Variants in GNAT3 observed in about 807,000 individuals in gnomAD.
The protein encoded by GNAT3 is G protein subunit alpha transducin 3.
In GNAT3, 31 loss-of-function variants were observed where a neutral mutation model predicts 37.7. The observed-to-expected ratio is 0.82, with a 90% CI of 0.62 to 1.11. The LOEUF (loss-of-function observed/expected upper bound fraction) is 1.11. GNAT3 is among the 50% of genes most tolerant of loss of function. The probability of loss-of-function intolerance (pLI) is 0.00; values close to 1 mark genes in which losing one functional copy is unlikely to be tolerated. For synonymous variants in GNAT3, 138 were observed against 139.8 expected (o/e 0.99, Z 0.09); for missense variants, 437 against 412.5 (o/e 1.06, Z -0.51).
intron 5 of GNAT3, among the ~76,000 whole-genome samples, chr7:80,465,063 C>T (rs1234801861): frequency 6.6e-6 from 1 of 152,028 alleles, no homozygotes; most frequent in Non-Finnish European, 1.5e-5. Context: ...TTAACCAATA[C>T]ATTTAATTTT....
intron 6 of GNAT3, 23 bp downstream of exon 6, chr7:80,462,479 C>A: frequency 6.2e-7 from 1 of 1,608,284 alleles, no homozygotes; most frequent in Non-Finnish European, 8.5e-7. Context: ...TTAACCCTGG[C>A]TTTGTTTTTC....
chr7:80,460,720 C>A (rs571012223), intron 7 of GNAT3, among the ~76,000 whole-genome samples: 6 of 151,704 alleles, frequency 4.0e-5, no homozygotes, highest in African/African-American at 9.7e-5. Context: ...TGCACTCCAG[C>A]CTGGGCAACA....
At chr7:80,499,204 A>G (rs1046334353) in intron 1 of GNAT3, among the ~76,000 whole-genome samples, 10 of 152,188 alleles carry the variant, frequency 6.6e-5, no homozygotes, top group Admixed American at 1.3e-4. Flanking sequence ...AGAGATTATG[A>G]TAATCATCCA....
rs568228570 is a variant in GNAT3 at position 80,468,807 on chromosome 7, T to G, written c.590+5444A>C. ...CAAGCTCTCCAAATCATCAGAATCA[T>G]TAATACCATTATATACTTTCTACTA... On this transcript the variant is annotated intron_variant, in intron 5 of 7. Transcript: ENST00000398291. Among the ~76,000 whole-genome samples the G allele has an allele frequency of 3.3e-4, 50 of 152,252 alleles. No homozygotes were observed. In the Middle Eastern group the frequency reaches 0.014, roughly 41 times the overall value.
At chr7:80,471,875 C>T (rs1039925029) in intron 5 of GNAT3, among the ~76,000 whole-genome samples, 5 of 152,042 alleles carry the variant, frequency 3.3e-5, no homozygotes, top group African/African-American at 4.8e-5. Flanking sequence ...TCCTGAGTAT[C>T]GATAGCAACA....
chr7:80,510,717 C>T (rs1461732128), intron 1 of GNAT3, among the ~76,000 whole-genome samples: 1 of 152,166 alleles, frequency 6.6e-6, no homozygotes, highest in Non-Finnish European at 1.5e-5. Context: ...AGGATGTTTC[C>T]TTTCCTTTAA....
At chr7:80,511,772 AG>A (rs1562738655) in intron 1 of GNAT3, 36 bp downstream of exon 1, 4 of 1,289,272 alleles carry the variant, frequency 3.1e-6, no homozygotes, top group Non-Finnish European at 3.3e-6. Flanking sequence ...TTGAAAAAAA[AG>A]TCAGGTTTTT....
chr7:80,462,524 A>G lies in GNAT3; in HGVS notation c.698T>C (p.Val233Ala). ...FCAALSAYDM[V>A]LVEDEEVNRM... The stretch of plus-strand genomic sequence containing the variant: ...TACCACTTCTTCGTCTTCCACGAGG[A>G]CCATGTCATAGGCACTAAGTGCAGC... The change falls in exon 6 of 8, where the codon GTC becomes GCC. Residue 233 changes from valine to alanine, a missense_variant. Physicochemically the swap from Val to Ala is moderately conservative, Grantham distance 64 (BLOSUM62 0). Transcript: ENST00000398291. The G allele has an allele frequency of 6.2e-7, 1 of 1,613,604 alleles. No homozygotes were observed. Among genetic ancestry groups the G allele is most frequent in the African/African-American group, 1.3e-5 (1 of 75,038 alleles).
intron 7 of GNAT3, 149 bp from the exon 8 acceptor site, chr7:80,459,010 G>A: frequency 1.7e-6 from 1 of 589,292 alleles, no homozygotes; most frequent in South Asian, 2.4e-5. Flanking sequence ...CAGGGTGCTG[G>A]GAACTATGCT....
intron 4 of GNAT3, among the ~76,000 whole-genome samples, chr7:80,475,612 T>C (rs1790289987): frequency 6.6e-6 from 1 of 152,000 alleles, no homozygotes; most frequent in South Asian, 2.1e-4. Context: ...AGCTGAATGT[T>C]AGTCAGTGTT....
chr7:80,475,807 G>C (rs1790293234), intron 4 of GNAT3, among the ~76,000 whole-genome samples: 1 of 152,046 alleles, frequency 6.6e-6, no homozygotes, highest in African/African-American at 2.4e-5. Context: ...GTCCCAAAGG[G>C]ATTTCGGCCG....
At chr7:80,463,863 T>C (rs543229515) in intron 5 of GNAT3, among the ~76,000 whole-genome samples, 2 of 146,200 alleles carry the variant, frequency 1.4e-5, no homozygotes, top group Admixed American at 6.9e-5. Flanking sequence ...TTTCTATAAA[T>C]ATGTGTAAGT....
chr7:80,480,766 C>T (rs372295488), intron 3 of GNAT3, among the ~76,000 whole-genome samples: 7 of 152,220 alleles, frequency 4.6e-5, no homozygotes, highest in African/African-American at 1.7e-4. Flanking sequence ...AGGTCACTCT[C>T]ATGGCCATCT....
intron 1 of GNAT3, among the ~76,000 whole-genome samples, chr7:80,504,055 C>T (rs1369699943): frequency 6.6e-6 from 1 of 152,140 alleles, no homozygotes; most frequent in African/African-American, 2.4e-5. Flanking sequence ...GAGGCTCATG[C>T]CTGTAATTCC....
At chr7:80,485,971 TTC>T (rs1178375632) in intron 3 of GNAT3, among the ~76,000 whole-genome samples, 1 of 152,172 alleles carries the variant, frequency 6.6e-6, no homozygotes, top group Non-Finnish European at 1.5e-5. Flanking sequence ...CTATCAGAAC[TTC>T]TCTCTTTGGC....
intron 1 of GNAT3, among the ~76,000 whole-genome samples, chr7:80,498,160 T>A (rs1790769203): frequency 6.6e-6 from 1 of 152,118 alleles, no homozygotes; most frequent in South Asian, 2.1e-4. Context: ...TTCAGAATGG[T>A]CTTCTGTACT....
At chr7:80,503,120 T>C (rs755522467) in intron 1 of GNAT3, among the ~76,000 whole-genome samples, 1 of 152,194 alleles carries the variant, frequency 6.6e-6, no homozygotes, top group Non-Finnish European at 1.5e-5. Flanking sequence ...TATCATCTTA[T>C]TGACTACAGA....
chr7:80,478,835 A>G lies in GNAT3; in HGVS notation c.461+6T>C. 1 of 1,611,742 alleles carries G rather than the reference A, an allele frequency of 6.2e-7. No homozygotes were observed. Among genetic ancestry groups the G allele is most frequent in the South Asian group, 1.1e-5 (1 of 90,780 alleles). The stretch of plus-strand genomic sequence containing the variant: ...CTCCAATTCCCCTTAAAGTGAATTC[A>G]CTTACTAAGCTGCTGAGTCATTGAG... On this transcript the variant is annotated splice_donor_region_variant and intron_variant, in intron 4 of 7. Coordinates refer to ENST00000398291, the MANE Select transcript of GNAT3 (RefSeq NM_001102386.3).
intron 5 of GNAT3, among the ~76,000 whole-genome samples, chr7:80,471,968 A>T (rs1360558018): frequency 6.6e-6 from 1 of 152,048 alleles, no homozygotes; most frequent in Non-Finnish European, 1.5e-5. Context: ...TTCAGCAAAA[A>T]TTACCTTCAT....
Sources: allele counts gnomAD v4.1 joint callset (sites outside exome capture counted in the v4.1 genomes callset), GRCh38; gene constraint gnomAD v4.1.1; transcripts MANE v1.5; gene names NCBI Gene and HGNC (gene_info 2026-07-23, HGNC 2026-07-21).